The following RECQL5 variants were observed in gnomAD, a reference collection of about 807,000 sequenced individuals.
The protein encoded by RECQL5 is ATP-dependent DNA helicase Q5.
In RECQL5, 88 loss-of-function variants were observed where a neutral mutation model predicts 103.4. That is an observed-to-expected ratio of 0.85 (90% CI 0.72 to 1.02). RECQL5 has a LOEUF of 1.02. Ranked by LOEUF, RECQL5 falls within the 50% of genes least tolerant of loss-of-function variation. The probability of loss-of-function intolerance (pLI) is 0.00; values close to 1 mark genes in which losing one functional copy is unlikely to be tolerated. For synonymous variants in RECQL5, 552 were observed against 507.9 expected (o/e 1.09, Z -1.17); for missense variants, 1,232 against 1,284.3 (o/e 0.96, Z 0.62).
Position 75,629,006 on chromosome 17 carries a change from CCT to C in RECQL5, c.2415_2416del (p.Glu807GlyfsTer15), listed in dbSNP as rs1568254598. 2.7e-5 allele frequency: 42 copies of C among 1,573,646 alleles called. No homozygotes were observed. The highest frequency in any genetic ancestry group is 5.5e-5 in the African/African-American group (4 of 73,296). ...ATGTCCCCCGGCTCCATCTTCCTCC[CCT>C]GTGTACTTCTCTGGGGCCATCGGGG... is the stretch of plus-strand genomic sequence containing the variant. On this transcript the variant is annotated frameshift_variant, in exon 16 of 20. Transcript: ENST00000317905. LOFTEE classifies it high-confidence loss of function.
In RECQL5 at chr17:75,636,266, C is replaced by G. The variant is rs2059319984; in HGVS notation, c.1230-4598G>C. On this transcript the variant is annotated intron_variant, in intron 8 of 19. Transcript: ENST00000317905. This position sits in a 1 kb window ranked among gnomAD's most constrained non-coding sequence, Gnocchi z 5.4. ...GGGGTTGGGAGGGACTCTGGTTGCCCTGGTTCGCAGGTGGGCACTACCAAG... is the reference window on the plus strand; with the variant it reads ...GGGGTTGGGAGGGACTCTGGTTGCCGTGGTTCGCAGGTGGGCACTACCAAG... 6.6e-6 allele frequency among the ~76,000 whole-genome samples: 1 copy of G among 152,056 alleles called. No homozygotes were observed. Among genetic ancestry groups the G allele is most frequent in the African/African-American group, 2.4e-5 (1 of 41,386 alleles).
chr17:75,663,140 G>A (rs1489312086), intron 3 of RECQL5, 143 bp from the exon 4 acceptor site: 1 of 805,048 alleles, frequency 1.2e-6, no homozygotes, highest in East Asian at 2.6e-5. Flanking sequence ...AGTAGAGGTT[G>A]AATATCCTTT....
At position 75,626,907 on chromosome 17, in the gene RECQL5, ATCTGTCAGGC is replaced by A; in HGVS notation, c.*505_*514del. 1 of 348,516 alleles carries A rather than the reference ATCTGTCAGGC, an allele frequency of 2.9e-6. No homozygotes were observed. Among genetic ancestry groups the A allele is most frequent in the Non-Finnish European group, 5.6e-6 (1 of 179,364 alleles). 21.6% of individuals were successfully genotyped at this position (348,516 alleles called of 1,614,324 possible). On this transcript the variant is annotated 3_prime_UTR_variant, in exon 20 of 20. Transcript: ENST00000317905. ...ACACAACTTTATTCCTCTCCCAAAC[ATCTGTCAGGC>A]CTGGCCTTCCTGAGCAGGAGCTGAG...
chr17:75,660,601 G>C (rs1023036806), intron 6 of RECQL5, among the ~76,000 whole-genome samples: 1 of 152,208 alleles, frequency 6.6e-6, no homozygotes, highest in Non-Finnish European at 1.5e-5. Flanking sequence ...TATGCAGTCT[G>C]TCATTGACCG....
At chr17:75,632,384 G>A (rs559962233) in intron 8 of RECQL5, among the ~76,000 whole-genome samples, 57 of 152,286 alleles carry the variant, frequency 3.7e-4, no homozygotes, top group African/African-American at 1.3e-3. Flanking sequence ...CTCTTCCCTG[G>A]AATTGCTGTT....
chr17:75,644,132 GTC>G (rs1182110782), intron 8 of RECQL5, among the ~76,000 whole-genome samples: 8 of 152,132 alleles, frequency 5.3e-5, no homozygotes, highest in Admixed American at 5.2e-4. Context: ...GGTGAAACCT[GTC>G]TCTACTAAAA....
intron 8 of RECQL5, among the ~76,000 whole-genome samples, chr17:75,645,652 C>CT (rs1262338397): frequency 1.3e-5 from 2 of 152,184 alleles, no homozygotes; most frequent in African/African-American, 4.8e-5. Context: ...TGCCAAGGGC[C>CT]TTAGTCAGTA....
intron 5 of RECQL5, among the ~76,000 whole-genome samples, chr17:75,661,328 T>C (rs1343045673): frequency 6.6e-6 from 1 of 152,248 alleles, no homozygotes; most frequent in Non-Finnish European, 1.5e-5. Context: ...CTCCAAAGCC[T>C]GTGCTCTTCC....
At chr17:75,661,471 T>G in intron 5 of RECQL5, 135 bp downstream of exon 5, 1 of 665,130 alleles carries the variant, frequency 1.5e-6, no homozygotes, top group Admixed American at 2.6e-5. Flanking sequence ...GGGATTTAAG[T>G]GTATCACTTT....
At position 75,627,192 on chromosome 17, in the gene RECQL5, G is replaced by A. The variant is rs569247532; in HGVS notation, c.*230C>T. The A allele has an allele frequency of 2.7e-4, 174 of 643,596 alleles. 1 individual carries two copies. Among genetic ancestry groups the A allele is most frequent in the South Asian group, 1.4e-3 (92 of 66,094 alleles). The allele number at this position is 643,596 out of a possible 1,614,324, so 39.9% of individuals were successfully genotyped here. ...CTCGACATGTGTCCCAGAAAACCCA[G>A]CCATGAGGACCGCTCTGAGAAGGGT... On this transcript the variant is annotated 3_prime_UTR_variant, in exon 20 of 20. Transcript: ENST00000317905.
chr17:75,628,176 C>T, intron 18 of RECQL5, 42 bp downstream of exon 18: 4 of 1,456,472 alleles, frequency 2.7e-6, no homozygotes, highest in Non-Finnish European at 2.9e-6. Context: ...CACCCACATA[C>T]CCCAGGCATG....
chr17:75,652,991 C>G (rs949782790), intron 7 of RECQL5, among the ~76,000 whole-genome samples: 1 of 152,222 alleles, frequency 6.6e-6, no homozygotes, highest in Non-Finnish European at 1.5e-5. Flanking sequence ...CACCTCTCCA[C>G]CTGGGAAACC....
At position 75,627,156 on chromosome 17, in the gene RECQL5, C is replaced by T. The variant is rs1320381399; in HGVS notation, c.*266G>A. 1 of 586,252 alleles carries T rather than the reference C, an allele frequency of 1.7e-6. No individual in the cohort carries two copies. The highest frequency in any genetic ancestry group is 3.2e-6 in the Non-Finnish European group (1 of 311,444). 36.3% of individuals were successfully genotyped at this position (586,252 alleles called of 1,614,324 possible). A position where few individuals can be genotyped will look rare whatever the true frequency, so the allele number is the denominator to read the frequency against. On this transcript the variant is annotated 3_prime_UTR_variant, in exon 20 of 20. Transcript: ENST00000317905. ...TTCCAGCAGCAGCTCCACCACCCTC[C>T]ACCTTCTGTCCTCGACATGTGTCCC...
chr17:75,631,072 G>A, intron 10 of RECQL5, 62 bp from the exon 11 acceptor site: 2 of 1,611,180 alleles, frequency 1.2e-6, no homozygotes, highest in African/African-American at 1.3e-5. Context: ...GTCCCATCCA[G>A]CACCAGAGAA....
intron 8 of RECQL5, among the ~76,000 whole-genome samples, chr17:75,645,428 G>C (rs1032522798): frequency 1.3e-5 from 2 of 152,164 alleles, no homozygotes; most frequent in African/African-American, 4.8e-5. Context: ...TAACCTCTCT[G>C]TGCCCGTTCC....
chr17:75,640,644 G>T lies in RECQL5; in HGVS notation c.1230-8976C>A. ...CTGGCGGCTGGCATGGGGACCGTCC[G>T]CACCTCTCACCAGCCTCTCGGATCT... On this transcript the variant is annotated intron_variant, in intron 8 of 19. Transcript: ENST00000317905. The surrounding 1 kb of genome is among the most constrained non-coding windows in gnomAD (Gnocchi z 4.6). 6.9e-7 allele frequency: 1 copy of T among 1,449,530 alleles called. No individual in the cohort carries two copies. Among genetic ancestry groups the T allele is most frequent in the East Asian group, 2.5e-5 (1 of 39,838 alleles). The allele number at this position is 1,449,530 out of a possible 1,614,324, so 89.8% of individuals were successfully genotyped here.
intron 8 of RECQL5, 57 bp downstream of exon 8, chr17:75,651,129 C>G: frequency 1.2e-6 from 2 of 1,613,552 alleles, no homozygotes; most frequent in South Asian, 1.1e-5. Flanking sequence ...TAGGGCGTGC[C>G]GGGGAAGTAA....
intron 6 of RECQL5, 84 bp from the exon 7 acceptor site, chr17:75,658,544 G>T: frequency 1.5e-6 from 2 of 1,336,142 alleles, no homozygotes; most frequent in South Asian, 1.3e-5. Context: ...TAGGAGAGCA[G>T]GGAGGCCAGC....
chr17:75,649,785 G>A (rs1733058008), intron 8 of RECQL5: 1 of 985,484 alleles, frequency 1.0e-6, no homozygotes, highest in Admixed American at 6.1e-5. Context: ...AAGGAGACAG[G>A]CACGAGGCTG....
Sources: gnomAD v4.1 joint callset for allele counts (sites outside exome capture counted in the v4.1 genomes callset) on GRCh38, gnomAD v4.1.1 for gene constraint, Gnocchi (gnomAD v3.1) non-coding constraint, MANE v1.5 for transcripts, NCBI Gene and HGNC (gene_info 2026-07-23, HGNC 2026-07-21) for gene names.